The following CSMD1 variants were observed in gnomAD, a reference collection of about 807,000 sequenced individuals.
CSMD1 encodes CUB and sushi domain-containing protein 1.
A neutral mutation model predicts 417.5 loss-of-function variants in CSMD1; 213 were observed. The observed-to-expected ratio is 0.51, with a 90% CI of 0.46 to 0.57. The LOEUF is 0.57. Among genes scored for constraint, CSMD1 ranks in the 20% least tolerant of loss-of-function variants. CSMD1 has a pLI of 0.00. For missense variants in CSMD1, 6,923 were observed against 4,529.7 expected, an observed-to-expected ratio of 1.53 and a Z score of -15.17; for synonymous variants, 2,862 against 1,736.8, an observed-to-expected ratio of 1.65 and a Z score of -16.11.
chr8:3,150,577 T>TATTCATTCATTC (rs111736662), intron 40 of CSMD1, among the ~76,000 whole-genome samples: 3 of 152,230 alleles, frequency 2.0e-5, no homozygotes, highest in African/African-American at 7.2e-5. Flanking sequence ...TTTATGGTTG[T>TATTCATTCATTC]ATTCATTCAT....
At chr8:4,162,447 T>C (rs1432841257) in intron 3 of CSMD1, among the ~76,000 whole-genome samples, 2 of 152,170 alleles carry the variant, frequency 1.3e-5, no homozygotes, top group Non-Finnish European at 1.5e-5. Context: ...AGAATAGAGG[T>C]GAATTCAAGA....
intron 25 of CSMD1, among the ~76,000 whole-genome samples, chr8:3,306,403 A>G (rs1373140256): frequency 6.6e-6 from 1 of 152,024 alleles, no homozygotes; most frequent in African/African-American, 2.4e-5. Context: ...CGAACTACTG[A>G]TCTTAAGTGA....
chr8:4,042,332 G>C (rs542949077), intron 3 of CSMD1, among the ~76,000 whole-genome samples: 1 of 152,134 alleles, frequency 6.6e-6, no homozygotes, highest in Non-Finnish European at 1.5e-5. Context: ...CAAAGATAAA[G>C]GGGCCAGGTG....
intron 8 of CSMD1, among the ~76,000 whole-genome samples, chr8:3,587,426 T>C (rs1474086371): frequency 1.3e-5 from 2 of 152,162 alleles, no homozygotes; most frequent in African/African-American, 4.8e-5. Flanking sequence ...GAAACAGAAT[T>C]GAAATAAGGA....
chr8:3,921,493 A>G (rs1205621654), intron 5 of CSMD1, among the ~76,000 whole-genome samples: 1 of 152,018 alleles, frequency 6.6e-6, no homozygotes, highest in Non-Finnish European at 1.5e-5. Flanking sequence ...GGTTGCTTAT[A>G]TAAAATACTT....
chr8:4,703,035 T>G (rs1434244662), intron 1 of CSMD1, among the ~76,000 whole-genome samples: 1 of 152,228 alleles, frequency 6.6e-6, no homozygotes, highest in African/African-American at 2.4e-5. Context: ...TATTTTTATT[T>G]ATAATGTTCA....
At chr8:4,596,750 A>G (rs896437573) in intron 2 of CSMD1, among the ~76,000 whole-genome samples, 2 of 152,204 alleles carry the variant, frequency 1.3e-5, no homozygotes, top group Non-Finnish European at 2.9e-5. Flanking sequence ...AAATACACAC[A>G]TGATATGGAT....
At chr8:4,901,716 A>G (rs1332219026) in intron 1 of CSMD1, among the ~76,000 whole-genome samples, 4 of 152,212 alleles carry the variant, frequency 2.6e-5, no homozygotes, top group Non-Finnish European at 2.9e-5. Flanking sequence ...AGCATAGAGC[A>G]TAGAGGATGC....
chr8:3,523,015 CCACA>C lies in CSMD1; in HGVS notation c.1345-29293_1345-29290del, dbSNP rs35558604. On this transcript the variant is annotated intron_variant, in intron 10 of 69. Coordinates refer to ENST00000635120, the MANE Select transcript of CSMD1 (RefSeq NM_033225.6). The stretch of plus-strand genomic sequence containing the variant: ...AATGGAGATACATATATACACACAC[CCACA>C]CACACACACACACACACACACTACT... Among the ~76,000 whole-genome samples the C allele has an allele frequency of 1.8e-3, 257 of 141,770 alleles. 2 individuals carry two copies. Among genetic ancestry groups the C allele is most frequent in the East Asian group, 9.4e-3 (46 of 4,916 alleles). 93.0% of individuals were successfully genotyped at this position (141,770 alleles called of 152,430 possible).
At chr8:4,947,278 C>G (rs1808432097) in intron 1 of CSMD1, among the ~76,000 whole-genome samples, 1 of 152,116 alleles carries the variant, frequency 6.6e-6, no homozygotes, top group Admixed American at 6.5e-5. Context: ...ATATAATAAA[C>G]TCAGGAAACC....
chr8:4,189,623 C>T (rs1381056469), intron 3 of CSMD1, among the ~76,000 whole-genome samples: 1 of 152,146 alleles, frequency 6.6e-6, no homozygotes, highest in Non-Finnish European at 1.5e-5. Context: ...GCAAAGACCC[C>T]TAGCAAAGAC....
At chr8:3,812,443 T>C (rs1411897856) in intron 5 of CSMD1, among the ~76,000 whole-genome samples, 1 of 152,148 alleles carries the variant, frequency 6.6e-6, no homozygotes, top group African/African-American at 2.4e-5. Context: ...CTCACAATGA[T>C]GTGGCTAGAT....
chr8:4,392,374 T>G (rs1346485853), intron 3 of CSMD1, among the ~76,000 whole-genome samples: 1 of 151,784 alleles, frequency 6.6e-6, no homozygotes, highest in Non-Finnish European at 1.5e-5. Context: ...AAAGAGAAAA[T>G]AGAGATTAAA....
chr8:4,881,589 T>TTTATTCAA (rs1295043768), intron 1 of CSMD1, among the ~76,000 whole-genome samples: 11 of 151,868 alleles, frequency 7.2e-5, no homozygotes, highest in Non-Finnish European at 1.2e-4. Context: ...CAAGCTCAAA[T>TTTATTCAA]TTATTCAATA....
At chr8:4,334,333 G>C (rs1334997166) in intron 3 of CSMD1, among the ~76,000 whole-genome samples, 1 of 152,114 alleles carries the variant, frequency 6.6e-6, no homozygotes, top group Non-Finnish European at 1.5e-5. Flanking sequence ...GGATGTGAAT[G>C]ACATTTACAC....
At chr8:4,737,957 C>T (rs1377194665) in intron 1 of CSMD1, among the ~76,000 whole-genome samples, 1 of 152,144 alleles carries the variant, frequency 6.6e-6, no homozygotes, top group Non-Finnish European at 1.5e-5. Context: ...TGTTAATTTT[C>T]AGGTAACAGC....
At chr8:3,744,692 A>G (rs1242822667) in intron 6 of CSMD1, among the ~76,000 whole-genome samples, 1 of 152,218 alleles carries the variant, frequency 6.6e-6, no homozygotes, top group Non-Finnish European at 1.5e-5. Context: ...TAGCAAATAA[A>G]CATGAAACGT....
intron 3 of CSMD1, among the ~76,000 whole-genome samples, chr8:4,322,683 G>C (rs73660744): frequency 0.025 from 3,883 of 152,280 alleles, 174 homozygotes; most frequent in African/African-American, 0.088. Flanking sequence ...TATTTTCAAA[G>C]AGATGGTGAC....
chr8:3,179,241 A>C (rs62502893), intron 37 of CSMD1, among the ~76,000 whole-genome samples: 1 of 152,170 alleles, frequency 6.6e-6, no homozygotes, highest in Admixed American at 6.5e-5. Context: ...CACCGCGCCC[A>C]GCCTATAATC....
Sources: gnomAD v4.1 joint callset for allele counts (sites outside exome capture counted in the v4.1 genomes callset) on GRCh38, gnomAD v4.1.1 for gene constraint, MANE v1.5 for transcripts, NCBI Gene and HGNC (gene_info 2026-07-23, HGNC 2026-07-21) for gene names.